Variants in HTR4 observed in about 807,000 individuals in gnomAD.
HTR4 encodes the protein 5-hydroxytryptamine receptor 4.
Under a neutral mutation model 36.8 loss-of-function variants are expected in HTR4, and 16 were observed. That is an observed-to-expected ratio of 0.43 (90% CI 0.29 to 0.66). The LOEUF is 0.66. Among genes scored for constraint, HTR4 ranks in the 30% least tolerant of loss-of-function variants. HTR4 has a pLI of 0.13. For missense variants in HTR4, 438 were observed against 490.9 expected (o/e 0.89, Z 1.02); for synonymous variants, 189 against 185.1 (o/e 1.02, Z -0.17).
intron 2 of HTR4, among the ~76,000 whole-genome samples, chr5:148,618,852 G>A (rs1483594980): frequency 6.6e-6 from 1 of 152,186 alleles, no homozygotes; most frequent in African/African-American, 2.4e-5. Flanking sequence ...AATCCAAATT[G>A]CCTGTTATTA....
chr5:148,510,372 T>A (rs1490322216), intron 5 of HTR4, among the ~76,000 whole-genome samples: 1 of 152,070 alleles, frequency 6.6e-6, no homozygotes, highest in Non-Finnish European at 1.5e-5. Context: ...AGAAGAGAAA[T>A]AAAATAGAGA....
intron 2 of HTR4, among the ~76,000 whole-genome samples, chr5:148,616,115 C>T (rs188559697): frequency 3.3e-5 from 5 of 152,242 alleles, no homozygotes; most frequent in South Asian, 4.1e-4. Context: ...GGCATCTGCA[C>T]GAAGGAGAAA....
downstream of HTR4, among the ~76,000 whole-genome samples, chr5:148,472,581 A>G (rs989475633): frequency 6.6e-6 from 1 of 152,066 alleles, no homozygotes; most frequent in Non-Finnish European, 1.5e-5. Context: ...ACACCCAGGG[A>G]GATTATGGTT....
intron 2 of HTR4, among the ~76,000 whole-genome samples, chr5:148,561,663 C>G (rs1031192048): frequency 2.0e-5 from 3 of 151,574 alleles, no homozygotes; most frequent in Non-Finnish European, 4.4e-5. Context: ...AAGGAATACA[C>G]TCACCAGGCA....
chr5:148,508,411 C>T (rs1409701255), intron 6 of HTR4, among the ~76,000 whole-genome samples: 1 of 152,164 alleles, frequency 6.6e-6, no homozygotes, highest in African/African-American at 2.4e-5. Context: ...AAAGAGGTAC[C>T]ATAACTAGAC....
chr5:148,462,646 A>G (rs1755305547), intron 5 of HTR4, among the ~76,000 whole-genome samples: 1 of 152,112 alleles, frequency 6.6e-6, no homozygotes, highest in African/African-American at 2.4e-5. Context: ...AGCAGAGAGA[A>G]TACTTTCTGA....
chr5:148,470,462 C>A (rs1422558137), intron 5 of HTR4, among the ~76,000 whole-genome samples: 1 of 152,132 alleles, frequency 6.6e-6, no homozygotes, highest in East Asian at 1.9e-4. Context: ...AGTTAGCAAA[C>A]TTTTTCTGTG....
chr5:148,632,386 G>T (rs1321226736), intron 2 of HTR4, among the ~76,000 whole-genome samples: 2 of 152,074 alleles, frequency 1.3e-5, no homozygotes, highest in Non-Finnish European at 2.9e-5. Context: ...AAGCACAACA[G>T]TCATTTCGTG....
intron 2 of HTR4, among the ~76,000 whole-genome samples, chr5:148,612,355 G>C (rs1302405698): frequency 6.7e-6 from 1 of 149,804 alleles, no homozygotes; most frequent in African/African-American, 2.5e-5. Flanking sequence ...AATCAAACTA[G>C]AACTCAGGAT....
intron 4 of HTR4, among the ~76,000 whole-genome samples, chr5:148,530,297 C>T (rs1379286869): frequency 6.6e-6 from 1 of 152,182 alleles, no homozygotes; most frequent in Non-Finnish European, 1.5e-5. Context: ...CCTTCTATCA[C>T]AGGCCTGGAA....
At chr5:148,562,312 A>C (rs565007899) in intron 2 of HTR4, among the ~76,000 whole-genome samples, 43 of 152,274 alleles carry the variant, frequency 2.8e-4, no homozygotes, top group Non-Finnish European at 5.4e-4. Flanking sequence ...GTAACCAGAG[A>C]TGTTTGGTCT....
chr5:148,490,923 G>A (rs1756392921), intron 6 of HTR4: 1 of 437,686 alleles, frequency 2.3e-6, no homozygotes. Context: ...TCCTTCTACT[G>A]TTATTTATAT....
At chr5:148,465,675 T>G (rs1047260002) in intron 5 of HTR4, among the ~76,000 whole-genome samples, 1 of 152,128 alleles carries the variant, frequency 6.6e-6, no homozygotes, top group African/African-American at 2.4e-5. Context: ...AATAGAAAAT[T>G]AAATAAACCA....
chr5:148,617,428 C>T (rs1021564067), intron 2 of HTR4, among the ~76,000 whole-genome samples: 4 of 152,024 alleles, frequency 2.6e-5, no homozygotes. Context: ...GCCTAACACA[C>T]ACTTCTTATA....
intron 2 of HTR4, among the ~76,000 whole-genome samples, chr5:148,571,212 C>G (rs986799535): frequency 6.6e-6 from 1 of 152,104 alleles, no homozygotes; most frequent in African/African-American, 2.4e-5. Context: ...AAGAATCTTG[C>G]ATGGTAATTT....
chr5:148,455,117 A>G (rs1755068817), intron 5 of HTR4, among the ~76,000 whole-genome samples: 1 of 152,174 alleles, frequency 6.6e-6, no homozygotes, highest in Non-Finnish European at 1.5e-5. Flanking sequence ...CATGTATACA[A>G]TTTACTTTTT....
rs547194578 is a variant in HTR4 at position 148,647,737 on chromosome 5, T to C, written c.-48+6325A>G. On this transcript the variant is annotated intron_variant, in intron 1 of 6. Coordinates refer to ENST00000377888, the MANE Select transcript of HTR4 (RefSeq NM_000870.7). ...GGTGTTGCATGCCTGTAGTCCCAGC[T>C]ACTCGGGCGGCTGAAGCAGAAGAAT... is the stretch of plus-strand genomic sequence containing the variant. 3.3e-5 allele frequency among the ~76,000 whole-genome samples: 5 copies of C among 152,322 alleles called. No individual in the cohort carries two copies. In the South Asian group the frequency reaches 8.3e-4, roughly 25 times the overall value.
Position 148,482,662 on chromosome 5 carries a change from C to T in HTR4, c.*541G>A, listed in dbSNP as rs919346992. The T allele has an allele frequency of 2.0e-6, 2 of 989,832 alleles. No homozygotes were observed. Among genetic ancestry groups the T allele is most frequent in the African/African-American group, 1.7e-5 (1 of 57,328 alleles). 61.3% of individuals were successfully genotyped at this position (989,832 alleles called of 1,614,324 possible). The stretch of plus-strand genomic sequence containing the variant: ...AGACACAGGGAGAAAAGTGTGTTAG[C>T]GTCTGGCACAGAACAGGGCGAAGAA... On this transcript the variant is annotated 3_prime_UTR_variant, in exon 7 of 7. Coordinates refer to ENST00000377888, the MANE Select transcript of HTR4 (RefSeq NM_000870.7).
chr5:148,545,037 G>A (rs906009471), intron 4 of HTR4, among the ~76,000 whole-genome samples: 2 of 152,154 alleles, frequency 1.3e-5, no homozygotes, highest in East Asian at 1.9e-4. Context: ...CTGTTAGGAC[G>A]GGAAGGACAC....
Sources: allele counts gnomAD v4.1 joint callset (sites outside exome capture counted in the v4.1 genomes callset), GRCh38; gene constraint gnomAD v4.1.1; transcripts MANE v1.5; gene names NCBI Gene and HGNC (gene_info 2026-07-23, HGNC 2026-07-21).